Variants in KIAA1549L observed in about 807,000 individuals in gnomAD.
KIAA1549L encodes KIAA1549 like, also known as UPF0606 protein KIAA1549L.
In KIAA1549L, 88 loss-of-function variants were observed where a neutral mutation model predicts 160.7. The observed-to-expected ratio is 0.55, with a 90% CI of 0.46 to 0.65. KIAA1549L has a LOEUF of 0.65. Ranked by LOEUF, KIAA1549L falls within the 30% of genes least tolerant of loss-of-function variation. The pLI is 0.00. For synonymous variants in KIAA1549L, 950 were observed against 976.7 expected (o/e 0.97, Z 0.51); for missense variants, 2,258 against 2,437.5 (o/e 0.93, Z 1.55).
intron 1 of KIAA1549L, among the ~76,000 whole-genome samples, chr11:33,407,608 C>T (rs1850693662): frequency 6.6e-6 from 1 of 152,178 alleles, no homozygotes; most frequent in African/African-American, 2.4e-5. Flanking sequence ...TTTGGCCTCC[C>T]AAATTGCTGG....
intron 1 of KIAA1549L, among the ~76,000 whole-genome samples, chr11:33,386,841 T>C (rs1217697687): frequency 6.6e-6 from 1 of 152,162 alleles, no homozygotes; most frequent in Non-Finnish European, 1.5e-5. Flanking sequence ...ATGCGGTGGC[T>C]CAATCCTGTA....
rs781492320 is a variant in KIAA1549L at position 33,544,859 on chromosome 11, C to T, written c.2866C>T (p.Leu956=). ...AAGTCCACCTGCACTGTCTGCAGCC[C>T]TGGTTGCTAAGGGCACCAGCAGCAG... The part of the protein sequence containing the change: ...KSSPPALSAA[L]VAKGTSSSPL... The change falls in exon 3 of 21, where the codon CTG becomes TTG. Residue 956 remains leucine, a synonymous_variant. Coordinates refer to ENST00000658780, the MANE Select transcript of KIAA1549L (RefSeq NM_012194.3). The T allele has an allele frequency of 1.2e-6, 2 of 1,613,530 alleles. No individual in the cohort carries two copies. Among genetic ancestry groups the T allele is most frequent in the African/African-American group, 2.7e-5 (2 of 74,926 alleles).
intron 4 of KIAA1549L, among the ~76,000 whole-genome samples, chr11:33,548,217 G>A (rs1332759602): frequency 6.6e-6 from 1 of 152,182 alleles, no homozygotes; most frequent in Non-Finnish European, 1.5e-5. Context: ...TGGGCAACAT[G>A]ATGAAACCCC....
intron 1 of KIAA1549L, among the ~76,000 whole-genome samples, chr11:33,479,696 G>A (rs865963781): frequency 3.3e-5 from 5 of 152,198 alleles, no homozygotes; most frequent in East Asian, 1.9e-4. Context: ...TGTTAAGAGC[G>A]TCACCCTAGG....
chr11:33,617,619 C>CT (rs1261473495), intron 15 of KIAA1549L, among the ~76,000 whole-genome samples: 4 of 152,196 alleles, frequency 2.6e-5, no homozygotes, highest in African/African-American at 9.7e-5. Flanking sequence ...TTTGTCACAG[C>CT]TTAATAGCAC....
chr11:33,568,461 AC>A (rs879422298), intron 9 of KIAA1549L, among the ~76,000 whole-genome samples: 11 of 152,188 alleles, frequency 7.2e-5, no homozygotes, highest in Admixed American at 6.5e-4. Context: ...CTAGGTTATA[AC>A]ACAAGGAAGT....
chr11:33,588,091 GTA>G (rs1337471219), intron 11 of KIAA1549L, among the ~76,000 whole-genome samples: 1 of 152,228 alleles, frequency 6.6e-6, no homozygotes, highest in Non-Finnish European at 1.5e-5. Flanking sequence ...TGCTTCATCT[GTA>G]AACTGGGAAC....
chr11:33,550,416 A>T (rs1171886894), intron 4 of KIAA1549L, among the ~76,000 whole-genome samples: 1 of 152,182 alleles, frequency 6.6e-6, no homozygotes, highest in African/African-American at 2.4e-5. Flanking sequence ...AATAAAATCT[A>T]AAGCCTGAAA....
intron 1 of KIAA1549L, among the ~76,000 whole-genome samples, chr11:33,499,091 T>C (rs1262823766): frequency 6.6e-6 from 1 of 152,026 alleles, no homozygotes; most frequent in Non-Finnish European, 1.5e-5. Context: ...AGAATACAAA[T>C]CCCACTTGAC....
At chr11:33,478,657 G>A (rs1016832065) in intron 1 of KIAA1549L, among the ~76,000 whole-genome samples, 7 of 152,156 alleles carry the variant, frequency 4.6e-5, no homozygotes, top group Middle Eastern at 3.2e-3. Flanking sequence ...CAGATAGAGT[G>A]GTCACAGTTC....
At chr11:33,457,929 G>T (rs1387026717) in intron 1 of KIAA1549L, among the ~76,000 whole-genome samples, 1 of 152,206 alleles carries the variant, frequency 6.6e-6, no homozygotes, top group Non-Finnish European at 1.5e-5. Flanking sequence ...CTCTTCTACA[G>T]TCCAGAACGT....
rs1300043529 is a variant in KIAA1549L, at chr11:33,671,842, C to T, written c.*3688C>T. The T allele has an allele frequency of 6.6e-6, 1 of 152,108 alleles. No homozygotes were observed. Among genetic ancestry groups the T allele is most frequent in the Admixed American group, 6.5e-5 (1 of 15,282 alleles). The allele number at this position is 152,108 out of a possible 1,614,324, so 9.4% of individuals were successfully genotyped here. The stretch of plus-strand genomic sequence containing the variant: ...TTAAAAACAGGATTTGTACTTAATC[C>T]TAAATTCCTCTTATCACACACCAGA... On this transcript the variant is annotated 3_prime_UTR_variant, in exon 21 of 21. Coordinates refer to ENST00000658780, the MANE Select transcript of KIAA1549L (RefSeq NM_012194.3).
chr11:33,451,011 C>T (rs1341880380), intron 1 of KIAA1549L: 1 of 152,286 alleles, frequency 6.6e-6, no homozygotes, highest in Non-Finnish European at 1.5e-5. Context: ...TCCTTCTAGC[C>T]CCCTACTTTC....
intron 12 of KIAA1549L, 119 bp from the exon 13 acceptor site, chr11:33,598,699 CTT>C: frequency 1.6e-6 from 2 of 1,217,368 alleles, no homozygotes; most frequent in Non-Finnish European, 2.3e-6. Context: ...ATCGTTTCCT[CTT>C]TGTCCATTAA....
chr11:33,449,453 A>T (rs902572843), intron 1 of KIAA1549L, among the ~76,000 whole-genome samples: 1 of 152,188 alleles, frequency 6.6e-6, no homozygotes, highest in African/African-American at 2.4e-5. Context: ...AGGTCATCTG[A>T]GTCTGGAGCA....
intron 16 of KIAA1549L, among the ~76,000 whole-genome samples, chr11:33,627,631 A>T (rs540044037): frequency 6.6e-6 from 1 of 152,106 alleles, no homozygotes; most frequent in South Asian, 2.1e-4. Context: ...TAGTGTGTCT[A>T]TTTGATTCTT....
chr11:33,547,891 G>C lies in KIAA1549L; in HGVS notation c.3501+12G>C. On this transcript the variant is annotated intron_variant, in intron 4 of 20. Transcript: ENST00000658780. Reference sequence around the variant, plus strand: ...ATGTCTCAGCTCACGTAAGTGCTTTGCTTTGTAACCAAGCTAATCCATCAC... The same window carrying C: ...ATGTCTCAGCTCACGTAAGTGCTTTCCTTTGTAACCAAGCTAATCCATCAC... The C allele has an allele frequency of 1.3e-6, 2 of 1,552,452 alleles. No individual in the cohort carries two copies. The highest frequency in any genetic ancestry group is 1.8e-6 in the Non-Finnish European group (2 of 1,125,440).
intron 1 of KIAA1549L, among the ~76,000 whole-genome samples, chr11:33,413,711 T>C (rs1180942852): frequency 6.6e-6 from 1 of 152,172 alleles, no homozygotes; most frequent in African/African-American, 2.4e-5. Context: ...AGAAAAGACA[T>C]TGTTTTAGGC....
At chr11:33,525,111 G>C (rs2133134201) in intron 1 of KIAA1549L, among the ~76,000 whole-genome samples, 1 of 152,286 alleles carries the variant, frequency 6.6e-6, no homozygotes, top group Admixed American at 6.5e-5. Context: ...ACAGTGTGTG[G>C]GGACTCAAAC....
Sources: allele counts gnomAD v4.1 joint callset (sites outside exome capture counted in the v4.1 genomes callset), GRCh38; gene constraint gnomAD v4.1.1; transcripts MANE v1.5; gene names NCBI Gene and HGNC (gene_info 2026-07-23, HGNC 2026-07-21).